SAMMSON: variants seen among roughly 807,000 people sequenced by gnomAD.
SAMMSON encodes long intergenic non-protein coding RNA 1212.
intron 9 of SAMMSON, among the ~76,000 whole-genome samples, chr3:70,384,521 G>A (rs538442753): frequency 3.6e-4 from 55 of 152,010 alleles, no homozygotes; most frequent in South Asian, 2.3e-3. Flanking sequence ...GCTCTCCTCC[G>A]GACATAAAAC....
chr3:70,331,645 C>A (rs1217156126), intron 7 of SAMMSON, among the ~76,000 whole-genome samples: 1 of 152,180 alleles, frequency 6.6e-6, no homozygotes, highest in Non-Finnish European at 1.5e-5. Context: ...TATGATTCAC[C>A]TATTTAAGCT....
intron 7 of SAMMSON, among the ~76,000 whole-genome samples, chr3:70,344,508 G>A (rs961559595): frequency 6.6e-6 from 1 of 152,158 alleles, no homozygotes; most frequent in Non-Finnish European, 1.5e-5. Context: ...AAGTCTGCAT[G>A]CAACCTGATT....
chr3:70,083,850 T>A (rs1242951644), intron 4 of SAMMSON, among the ~76,000 whole-genome samples: 1 of 152,186 alleles, frequency 6.6e-6, no homozygotes, highest in African/African-American at 2.4e-5. Flanking sequence ...TATTTTTGCA[T>A]GATTCATTTT....
intron 4 of SAMMSON, among the ~76,000 whole-genome samples, chr3:70,153,700 G>A (rs900494926): frequency 6.6e-6 from 1 of 151,780 alleles, no homozygotes; most frequent in African/African-American, 2.4e-5. Context: ...TTTTTACTAT[G>A]GTAAAATATC....
chr3:70,178,099 T>C (rs1394677270), intron 4 of SAMMSON, among the ~76,000 whole-genome samples: 3 of 152,090 alleles, frequency 2.0e-5, no homozygotes, highest in African/African-American at 7.2e-5. Flanking sequence ...CTAGGAGCAG[T>C]TGCTGGGGAT....
chr3:70,019,229 A>T (rs765787980), intron 3 of SAMMSON, among the ~76,000 whole-genome samples: 2 of 152,166 alleles, frequency 1.3e-5, no homozygotes, highest in Non-Finnish European at 2.9e-5. Context: ...GTCTGTTTCT[A>T]GATCTCTAAG....
At chr3:70,430,146 T>C (rs1701402253) in intron 2 of SAMMSON, among the ~76,000 whole-genome samples, 1 of 152,202 alleles carries the variant, frequency 6.6e-6, no homozygotes, top group Non-Finnish European at 1.5e-5. Context: ...GTTCCATCAG[T>C]ACCTAGTTTA....
intron 4 of SAMMSON, among the ~76,000 whole-genome samples, chr3:70,114,735 T>G (rs1473835244): frequency 6.6e-6 from 1 of 152,170 alleles, no homozygotes; most frequent in African/African-American, 2.4e-5. Context: ...CAAGTAGAGA[T>G]GATACACAGT....
chr3:70,252,253 T>C (rs1701776284), intron 6 of SAMMSON, among the ~76,000 whole-genome samples: 1 of 152,212 alleles, frequency 6.6e-6, no homozygotes, highest in Non-Finnish European at 1.5e-5. Flanking sequence ...TCTTATCCAA[T>C]GTATGACTTA....
chr3:70,269,592 CT>C (rs1701955663), intron 6 of SAMMSON, among the ~76,000 whole-genome samples: 1 of 152,130 alleles, frequency 6.6e-6, no homozygotes, highest in Non-Finnish European at 1.5e-5. Flanking sequence ...GGTTCAGGGG[CT>C]GCCCAGTTCT....
At chr3:70,246,135 G>A (rs1701706546) in intron 4 of SAMMSON, among the ~76,000 whole-genome samples, 1 of 151,706 alleles carries the variant, frequency 6.6e-6, no homozygotes, top group Non-Finnish European at 1.5e-5. Flanking sequence ...GATGCTTCTG[G>A]GATGAACCGT....
intron 4 of SAMMSON, among the ~76,000 whole-genome samples, chr3:70,078,539 C>T (rs954410116): frequency 6.6e-6 from 1 of 152,114 alleles, no homozygotes; most frequent in Non-Finnish European, 1.5e-5. Context: ...TGTGGAGACT[C>T]CCCTGGCCCG....
intron 7 of SAMMSON, among the ~76,000 whole-genome samples, chr3:70,350,126 A>T (rs555419098): frequency 1.3e-5 from 2 of 152,340 alleles, no homozygotes; most frequent in Non-Finnish European, 2.9e-5. Context: ...CTTAAACAAA[A>T]TTATCTATTT....
At chr3:70,219,048 G>C (rs959537869) in intron 4 of SAMMSON, among the ~76,000 whole-genome samples, 1 of 152,022 alleles carries the variant, frequency 6.6e-6, no homozygotes, top group Non-Finnish European at 1.5e-5. Context: ...TTTTAGTAAA[G>C]GCAGGTTTAA....
At chr3:70,230,607 A>T (rs1701549231) in intron 4 of SAMMSON, among the ~76,000 whole-genome samples, 1 of 152,198 alleles carries the variant, frequency 6.6e-6, no homozygotes. Context: ...TTTATTATTT[A>T]AAAACTGGTT....
chr3:70,010,823 T>A (rs899509769), intron 1 of SAMMSON, among the ~76,000 whole-genome samples: 1 of 152,140 alleles, frequency 6.6e-6, no homozygotes, highest in Non-Finnish European at 1.5e-5. Context: ...AGCAGGCACC[T>A]TCTTCACAGG....
intron 6 of SAMMSON, among the ~76,000 whole-genome samples, chr3:70,280,135 C>A (rs1386193123): frequency 1.3e-5 from 2 of 152,076 alleles, no homozygotes; most frequent in African/African-American, 4.8e-5. Flanking sequence ...CTGGGGGCTG[C>A]CTGCATTTCC....
chr3:70,366,297 T>C lies in SAMMSON; in HGVS notation n.913+7973T>C, dbSNP rs1288709522. The stretch of plus-strand genomic sequence containing the variant: ...GAGCCACTGCGCCCGGCCTGTGCTT[T>C]ACCTTTTCAATCCTCCTTGTCTCTC... On this transcript the variant is annotated intron_variant and non_coding_transcript_variant, in intron 9 of 9. Transcript: ENST00000642114. Among the ~76,000 whole-genome samples the C allele has an allele frequency of 1.3e-5, 2 of 151,476 alleles. 1 individual carries two copies. Among genetic ancestry groups the C allele is most frequent in the Non-Finnish European group, 3.0e-5 (2 of 67,626 alleles).
At chr3:70,155,487 C>G (rs1408604132) in intron 4 of SAMMSON, among the ~76,000 whole-genome samples, 1 of 151,978 alleles carries the variant, frequency 6.6e-6, no homozygotes, top group Non-Finnish European at 1.5e-5. Flanking sequence ...CAAACAGTAC[C>G]TGTCTGGGTA....
Sources: gnomAD v4.1 joint callset for allele counts (sites outside exome capture counted in the v4.1 genomes callset) on GRCh38, gnomAD v4.1.1 for gene constraint, MANE v1.5 for transcripts, NCBI Gene and HGNC (gene_info 2026-07-23, HGNC 2026-07-21) for gene names.